C4orf51: variants seen among roughly 807,000 people sequenced by gnomAD.
C4orf51 encodes the protein uncharacterized protein C4orf51.
In C4orf51, 25 loss-of-function variants were observed where a neutral mutation model predicts 25.2. The observed-to-expected ratio is 0.99, with a 90% CI of 0.72 to 1.39. The LOEUF (loss-of-function observed/expected upper bound fraction) is 1.39, where lower values mean the gene tolerates loss of function less well. Ranked by LOEUF, C4orf51 falls within the 40% of genes most tolerant of loss-of-function variation. The probability of loss-of-function intolerance (pLI) is 0.00; values close to 1 mark genes in which losing one functional copy is unlikely to be tolerated. For synonymous variants in C4orf51, 100 were observed against 84.5 expected (o/e 1.18, Z -1.01); for missense variants, 252 against 239.6 (o/e 1.05, Z -0.34).
the C4orf51 span, among the ~76,000 whole-genome samples, chr4:145,791,295 C>A: frequency 6.6e-6 from 1 of 152,156 alleles, no homozygotes; most frequent in African/African-American, 2.4e-5. Flanking sequence ...ATAAGGGCCT[C>A]TTTTATAGGG....
At chr4:145,774,656 A>G, downstream of C4orf51, 2 of 1,613,844 alleles carry the variant, frequency 1.2e-6, no homozygotes, top group Non-Finnish European at 1.7e-6. Flanking sequence ...TCGGTCTCAA[A>G]TCCACACACG....
At chr4:145,728,047 T>TAC (rs66860071) in intron 3 of C4orf51, among the ~76,000 whole-genome samples, 11,366 of 133,234 alleles carry the variant, frequency 0.085, 494 homozygotes, top group African/African-American at 0.11. Context: ...AATATATATA[T>TAC]ACACACACAC....
intron 2 of C4orf51, among the ~76,000 whole-genome samples, chr4:145,700,087 A>G (rs1164695986): frequency 2.5e-5 from 3 of 120,886 alleles, no homozygotes; most frequent in East Asian, 2.3e-4. Flanking sequence ...TCTTATCTCT[A>G]TGCCCCAATC....
In C4orf51 at chr4:145,743,551, T is replaced by C. The variant is rs115637398; in HGVS notation, n.168-10656T>C. On this transcript the variant is annotated intron_variant and non_coding_transcript_variant, in intron 1 of 1. Coordinates refer to the C4orf51 transcript ENST00000508981. Reference sequence around the variant, plus strand: ...TCAAGGTACTGTCTCTCAACACAGCTACATTAGGGATTAAGTTTTCAACAC... The same window carrying C: ...TCAAGGTACTGTCTCTCAACACAGCCACATTAGGGATTAAGTTTTCAACAC... Among the ~76,000 whole-genome samples the C allele has an allele frequency of 3.5e-3, 539 of 152,320 alleles. 4 individuals carry two copies. The highest frequency in any genetic ancestry group is 0.012 in the African/African-American group (507 of 41,580).
chr4:145,734,702 AC>A (rs1732708280), downstream of C4orf51, among the ~76,000 whole-genome samples: 1 of 152,226 alleles, frequency 6.6e-6, no homozygotes, highest in Non-Finnish European at 1.5e-5. Context: ...AGACTAGCCA[AC>A]GCCTGAGGAA....
At chr4:145,733,056 G>A (rs1732578977), downstream of C4orf51, among the ~76,000 whole-genome samples, 4 of 152,276 alleles carry the variant, frequency 2.6e-5, no homozygotes, top group East Asian at 7.8e-4. Flanking sequence ...GGCCTCAGAC[G>A]CGGCGGGCTC....
chr4:145,700,944 G>T, intron 2 of C4orf51, among the ~76,000 whole-genome samples: 1 of 152,184 alleles, frequency 6.6e-6, no homozygotes, highest in East Asian at 1.9e-4. Flanking sequence ...CTCTTAAAAA[G>T]GTGGCTGGAG....
chr4:145,767,880 A>G lies in C4orf51; in HGVS notation n.167-3108A>G, dbSNP rs376140660. ...TTCAAAGCCCAGGCAGAAGAAAATG[A>G]AACCAGATATAAAACTGATCTACAC... On this transcript the variant is annotated intron_variant and non_coding_transcript_variant, in intron 1 of 1. Coordinates refer to the C4orf51 transcript ENST00000510096. 8.6e-4 allele frequency among the ~76,000 whole-genome samples: 124 copies of G among 143,850 alleles called. 2 individuals are homozygous for G. The highest frequency in any genetic ancestry group is 3.0e-3 in the African/African-American group (118 of 38,692). 94.4% of individuals were successfully genotyped at this position (143,850 alleles called of 152,430 possible). A position where few individuals can be genotyped will look rare whatever the true frequency, so the allele number is the denominator to read the frequency against.
intron 2 of C4orf51, among the ~76,000 whole-genome samples, chr4:145,701,235 TA>T (rs778319650): frequency 8.0e-4 from 120 of 149,100 alleles, no homozygotes; most frequent in African/African-American, 2.7e-3. Context: ...TGTACAATAA[TA>T]AAAAAAAAAG....
At chr4:145,776,106 A>G in the C4orf51 span, 1 of 879,226 alleles carries the variant, frequency 1.1e-6, no homozygotes, top group East Asian at 2.6e-5. Flanking sequence ...AGGAATTGTA[A>G]GTATCTAAAA....
chr4:145,772,780 T>C (rs890654639), downstream of C4orf51, among the ~76,000 whole-genome samples: 2 of 152,250 alleles, frequency 1.3e-5, no homozygotes, highest in East Asian at 1.9e-4. Flanking sequence ...TGCATTTCAC[T>C]CTTGGGTGAC....
chr4:145,791,501 A>C, the C4orf51 span, among the ~76,000 whole-genome samples: 5 of 152,328 alleles, frequency 3.3e-5, no homozygotes, highest in African/African-American at 1.2e-4. Context: ...CTGTGAACGT[A>C]TGTCATAATG....
chr4:145,696,297 G>A (rs2126689769), intron 1 of C4orf51, among the ~76,000 whole-genome samples: 2 of 152,252 alleles, frequency 1.3e-5, no homozygotes, highest in South Asian at 4.2e-4. Flanking sequence ...GGGGTCTACT[G>A]GATGGTGGAG....
chr4:145,770,337 AATAAATAAAT>A (rs1736073487), intron 1 of C4orf51, among the ~76,000 whole-genome samples: 4 of 63,996 alleles, frequency 6.3e-5, no homozygotes, highest in Non-Finnish European at 2.1e-4. Flanking sequence ...TAAATAAATA[AATAAATAAAT>A]AAAATAGATC....
intron 1 of C4orf51, among the ~76,000 whole-genome samples, chr4:145,690,631 T>A (rs1450275530): frequency 6.6e-6 from 1 of 151,970 alleles, no homozygotes; most frequent in Non-Finnish European, 1.5e-5. Flanking sequence ...AAACTGACAA[T>A]TGGGACCTCA....
chr4:145,699,879 T>C (rs1278095559), intron 2 of C4orf51, among the ~76,000 whole-genome samples: 1 of 149,886 alleles, frequency 6.7e-6, no homozygotes, highest in African/African-American at 2.5e-5. Flanking sequence ...GAGGGGCAAG[T>C]ACCCCTCAAC....
downstream of C4orf51, chr4:145,757,770 G>C (rs951267816): frequency 1.3e-5 from 2 of 151,722 alleles, no homozygotes; most frequent in East Asian, 3.9e-4. Flanking sequence ...AATGCAAAAA[G>C]CTTTATACAA....
chr4:145,780,856 G>C, the C4orf51 span, among the ~76,000 whole-genome samples: 6 of 152,300 alleles, frequency 3.9e-5, no homozygotes, highest in South Asian at 1.2e-3. Context: ...TGGACACCAT[G>C]TGGTGATAAT....
intron 3 of C4orf51, among the ~76,000 whole-genome samples, chr4:145,727,918 TATATAA>T (rs1260533249): frequency 2.0e-5 from 2 of 102,236 alleles, no homozygotes; most frequent in African/African-American, 4.9e-5. Context: ...TATATATATA[TATATAA>T]AATATATTAT....
Sources: allele counts gnomAD v4.1 joint callset (sites outside exome capture counted in the v4.1 genomes callset), GRCh38; gene constraint gnomAD v4.1.1; transcripts MANE v1.5; gene names NCBI Gene and HGNC (gene_info 2026-07-23, HGNC 2026-07-21).